Variants in RCSD1 observed in about 807,000 individuals in gnomAD.
RCSD1 encodes capZ-interacting protein.
In RCSD1, 26 loss-of-function variants were observed where a neutral mutation model predicts 42.5. The ratio of observed to expected loss-of-function variants is 0.61; its 90% CI spans 0.45 to 0.85. RCSD1 has a LOEUF of 0.85. Among genes scored for constraint, RCSD1 ranks in the 40% least tolerant of loss-of-function variants. RCSD1 has a pLI of 0.00. For synonymous variants in RCSD1, 220 were observed against 212.2 expected (o/e 1.04, Z -0.32); for missense variants, 571 against 528.3 (o/e 1.08, Z -0.79).
intron 1 of RCSD1, among the ~76,000 whole-genome samples, chr1:167,648,587 A>G (rs1304909458): frequency 1.3e-5 from 2 of 152,164 alleles, no homozygotes; most frequent in Non-Finnish European, 2.9e-5. Flanking sequence ...CAGGGAGTGG[A>G]TAGGAGGGGA....
rs1659719063 is a variant in RCSD1 at position 167,704,812 on chromosome 1, T to C, written c.*116T>C. ...TTGCAGAGGCAGAATATGCTGAGTGTCTGGAGTCAGCCTGAAGACACAGGG... is the reference window on the plus strand; with the variant it reads ...TTGCAGAGGCAGAATATGCTGAGTGCCTGGAGTCAGCCTGAAGACACAGGG... On this transcript the variant is annotated 3_prime_UTR_variant, in exon 7 of 7. Transcript: ENST00000367854. 3 of 1,015,724 alleles carry C rather than the reference T, an allele frequency of 3.0e-6. No individual in the cohort carries two copies. Among genetic ancestry groups the C allele is most frequent in the Non-Finnish European group, 4.5e-6 (3 of 663,232 alleles). 62.9% of individuals were successfully genotyped at this position (1,015,724 alleles called of 1,614,324 possible).
At chr1:167,662,537 T>C (rs889031848) in intron 1 of RCSD1, among the ~76,000 whole-genome samples, 1 of 152,202 alleles carries the variant, frequency 6.6e-6, no homozygotes, top group African/African-American at 2.4e-5. Context: ...TCATCCACTT[T>C]CCTCTATAAT....
In RCSD1 at chr1:167,707,486, T is replaced by C. The variant is rs759998202; in HGVS notation, c.*2790T>C. ...AATCTCTCCCCCTTTTTCAGCCTCA[T>C]AGAACTGAAAAAAACAAACCTAAAT... On this transcript the variant is annotated 3_prime_UTR_variant, in exon 7 of 7. Coordinates refer to ENST00000367854, the MANE Select transcript of RCSD1 (RefSeq NM_052862.4). Among the ~76,000 whole-genome samples the C allele has an allele frequency of 6.6e-6, 1 of 151,968 alleles. No individual in the cohort carries two copies. Among genetic ancestry groups the C allele is most frequent in the Non-Finnish European group, 1.5e-5 (1 of 68,010 alleles).
chr1:167,649,859 A>G (rs1006641918), intron 1 of RCSD1, among the ~76,000 whole-genome samples: 3 of 152,186 alleles, frequency 2.0e-5, no homozygotes, highest in African/African-American at 7.2e-5. Context: ...TAAAGGACAG[A>G]CAGACCAGGG....
At chr1:167,700,608 G>T (rs192458459) in intron 6 of RCSD1, among the ~76,000 whole-genome samples, 1 of 149,930 alleles carries the variant, frequency 6.7e-6, no homozygotes, top group African/African-American at 2.5e-5. Flanking sequence ...CGGAAATCGC[G>T]CCACTGCACT....
At chr1:167,680,566 G>T (rs77366086) in intron 1 of RCSD1, among the ~76,000 whole-genome samples, 40 of 152,090 alleles carry the variant, frequency 2.6e-4, no homozygotes, top group Non-Finnish European at 5.1e-4. Flanking sequence ...CTGCAGCCTC[G>T]ACCAACTGGG....
chr1:167,656,461 C>T (rs903975502), intron 1 of RCSD1, among the ~76,000 whole-genome samples: 1 of 152,124 alleles, frequency 6.6e-6, no homozygotes, highest in Non-Finnish European at 1.5e-5. Context: ...TATTGAGGTT[C>T]TTCTTTGTTT....
chr1:167,663,288 C>G (rs867942736), intron 1 of RCSD1, among the ~76,000 whole-genome samples: 3 of 152,246 alleles, frequency 2.0e-5, no homozygotes, highest in African/African-American at 7.2e-5. Context: ...CCCCATCAGG[C>G]CTAGACCTGC....
At chr1:167,666,764 C>T (rs942702889) in intron 1 of RCSD1, among the ~76,000 whole-genome samples, 7 of 152,372 alleles carry the variant, frequency 4.6e-5, no homozygotes, top group Admixed American at 2.0e-4. Flanking sequence ...AGCCTAGCTG[C>T]TTTGCTCTGT....
intron 1 of RCSD1, among the ~76,000 whole-genome samples, chr1:167,668,716 T>G (rs1216494178): frequency 7.0e-6 from 1 of 142,920 alleles, no homozygotes; most frequent in African/African-American, 2.6e-5. Context: ...AATGAATGAA[T>G]GAATATGTCC....
In RCSD1 at chr1:167,685,484, G is replaced by A. The variant is rs1659210629; in HGVS notation, c.172G>A (p.Val58Ile). 3 of 1,613,826 alleles carry A rather than the reference G, an allele frequency of 1.9e-6. No individual in the cohort carries two copies. The highest frequency in any genetic ancestry group is 1.7e-6 in the Non-Finnish European group (2 of 1,179,900). The change falls in exon 3 of 7, where the codon GTA becomes ATA. Residue 58 changes from valine to isoleucine, a missense_variant. Coordinates refer to ENST00000367854, the MANE Select transcript of RCSD1 (RefSeq NM_052862.4). ...TTCCCTCCCCCTGTTCCCCCCCAAG[G>A]TAGACCTGGGCCAGAATGGTGAGGA... ...PCSLPLFPPK[V>I]DLGQNGEEKS...
At chr1:167,665,816 CCTT>C in intron 1 of RCSD1, among the ~76,000 whole-genome samples, 1 of 149,970 alleles carries the variant, frequency 6.7e-6, no homozygotes, top group Non-Finnish European at 1.5e-5. Context: ...TTGATGAGCA[CCTT>C]TTTTTTTTTT....
chr1:167,681,429 C>A (rs1659079847), intron 1 of RCSD1, among the ~76,000 whole-genome samples: 1 of 152,146 alleles, frequency 6.6e-6, no homozygotes, highest in Non-Finnish European at 1.5e-5. Flanking sequence ...GCTCTGGAGT[C>A]CTTAGTCTAA....
chr1:167,653,000 A>C (rs574491259), intron 1 of RCSD1, among the ~76,000 whole-genome samples: 2 of 152,258 alleles, frequency 1.3e-5, no homozygotes, highest in Non-Finnish European at 2.9e-5. Context: ...TTGGTTACAC[A>C]GTTGCAGATT....
At chr1:167,655,319 C>A (rs1008492605) in intron 1 of RCSD1, among the ~76,000 whole-genome samples, 5 of 152,140 alleles carry the variant, frequency 3.3e-5, no homozygotes, top group African/African-American at 1.2e-4. Flanking sequence ...ATGGCTCAAA[C>A]CAGATATCGC....
In RCSD1 at chr1:167,705,393, A is replaced by C. The variant is rs1220751738; in HGVS notation, c.*697A>C. The C allele has an allele frequency of 6.6e-6, 1 of 151,840 alleles. No individual in the cohort carries two copies. Among genetic ancestry groups the C allele is most frequent in the African/African-American group, 2.4e-5 (1 of 41,340 alleles). 9.4% of individuals were successfully genotyped at this position (151,840 alleles called of 1,614,324 possible). A position where few individuals can be genotyped will look rare whatever the true frequency, so the allele number is the denominator to read the frequency against. On this transcript the variant is annotated 3_prime_UTR_variant, in exon 7 of 7. Transcript: ENST00000367854. ...CTGTCCTGTGGTTTTCCAGTTGGTGACCACCATGGGAGGTCGCTGGCTCGG... is the reference window on the plus strand; with the variant it reads ...CTGTCCTGTGGTTTTCCAGTTGGTGCCCACCATGGGAGGTCGCTGGCTCGG...
At chr1:167,678,788 T>C (rs1451963895) in intron 1 of RCSD1, among the ~76,000 whole-genome samples, 1 of 152,154 alleles carries the variant, frequency 6.6e-6, no homozygotes, top group Non-Finnish European at 1.5e-5. Flanking sequence ...ACCACTCGCA[T>C]CTTCCCGCCC....
chr1:167,634,718 G>GA (rs1341283685), intron 1 of RCSD1, among the ~76,000 whole-genome samples: 2 of 152,074 alleles, frequency 1.3e-5, no homozygotes, highest in East Asian at 1.9e-4. Flanking sequence ...TCATGGCACT[G>GA]AAAAAAAGTC....
intron 1 of RCSD1, among the ~76,000 whole-genome samples, chr1:167,675,423 T>C (rs1658926832): frequency 6.6e-6 from 1 of 152,154 alleles, no homozygotes; most frequent in Non-Finnish European, 1.5e-5. Flanking sequence ...ATGAGACTTA[T>C]TCACTACCAT....
Sources: gnomAD v4.1 joint callset for allele counts (sites outside exome capture counted in the v4.1 genomes callset) on GRCh38, gnomAD v4.1.1 for gene constraint, MANE v1.5 for transcripts, NCBI Gene and HGNC (gene_info 2026-07-23, HGNC 2026-07-21) for gene names.